CHODL: variants seen among roughly 807,000 people sequenced by gnomAD.
CHODL encodes the protein chondrolectin.
Under a neutral mutation model 34.5 loss-of-function variants are expected in CHODL, and 29 were observed. That is an observed-to-expected ratio of 0.84 (90% confidence interval 0.63 to 1.15). CHODL has a LOEUF of 1.15. Among genes scored for constraint, CHODL ranks in the 50% most tolerant of loss-of-function variants. The probability of loss-of-function intolerance (pLI) is 0.00; values close to 1 mark genes in which losing one functional copy is unlikely to be tolerated. For missense variants in CHODL, 332 were observed against 332.5 expected, an observed-to-expected ratio of 1.00 and a Z score of 0.01; for synonymous variants, 125 against 116.1, an observed-to-expected ratio of 1.08 and a Z score of -0.49.
chr21:18,032,905 T>A (rs1434829637), intron 2 of CHODL, among the ~76,000 whole-genome samples: 1 of 152,014 alleles, frequency 6.6e-6, no homozygotes, highest in Non-Finnish European at 1.5e-5. Context: ...TATTGAGTGC[T>A]TATTTTGTGT....
chr21:18,077,223 T>G (rs917285112), intron 2 of CHODL, among the ~76,000 whole-genome samples: 6 of 152,224 alleles, frequency 3.9e-5, no homozygotes, highest in African/African-American at 1.4e-4. Context: ...TTGTCTGTCC[T>G]GTGCCTGTCA....
intron 1 of CHODL, among the ~76,000 whole-genome samples, chr21:17,932,238 A>G (rs1325909742): frequency 1.3e-5 from 2 of 152,244 alleles, no homozygotes; most frequent in Admixed American, 6.5e-5. Context: ...AAAAGTGCAA[A>G]CTAAAACCAT....
At chr21:18,033,832 C>T (rs1600919506) in intron 2 of CHODL, among the ~76,000 whole-genome samples, 1 of 152,034 alleles carries the variant, frequency 6.6e-6, no homozygotes, top group South Asian at 2.1e-4. Context: ...GACGCTCACA[C>T]ACAATGTGAC....
At chr21:18,206,309 A>C (rs1037376325) in intron 2 of CHODL, among the ~76,000 whole-genome samples, 8 of 152,196 alleles carry the variant, frequency 5.3e-5, no homozygotes, top group Admixed American at 5.2e-4. Flanking sequence ...TGTATATCAG[A>C]ATACTGCAGT....
At chr21:18,079,836 G>A (rs967181895) in intron 2 of CHODL, among the ~76,000 whole-genome samples, 2 of 152,054 alleles carry the variant, frequency 1.3e-5, no homozygotes, top group African/African-American at 4.8e-5. Context: ...AATAGAATTT[G>A]CTATAATCCT....
At chr21:18,209,529 G>A (rs1261498980) in intron 2 of CHODL, among the ~76,000 whole-genome samples, 1 of 152,146 alleles carries the variant, frequency 6.6e-6, no homozygotes, top group African/African-American at 2.4e-5. Context: ...ACGTGGCTGA[G>A]CTTGTACCTA....
At chr21:18,057,737 G>A (rs1359866726) in intron 2 of CHODL, among the ~76,000 whole-genome samples, 3 of 151,480 alleles carry the variant, frequency 2.0e-5, no homozygotes, top group Admixed American at 6.6e-5. Flanking sequence ...TGTATCTCTT[G>A]TCTCTTTCAC....
chr21:17,917,765 AGTAAAGAGTAGATCTACAGGAG>A (rs1490551696), intron 1 of CHODL, among the ~76,000 whole-genome samples: 7 of 152,300 alleles, frequency 4.6e-5, no homozygotes, highest in Admixed American at 4.6e-4. Context: ...CACAGAGAAG[AGTAAAGAGTAGATCTACAGGAG>A]GTAAATGAAT....
chr21:17,937,866 C>T (rs1389989330), intron 1 of CHODL, among the ~76,000 whole-genome samples: 2 of 152,050 alleles, frequency 1.3e-5, no homozygotes, highest in Admixed American at 6.6e-5. Context: ...TGAATATGTG[C>T]CAGGTGCTAT....
chr21:17,930,698 G>A (rs773740382), intron 1 of CHODL, among the ~76,000 whole-genome samples: 1 of 152,174 alleles, frequency 6.6e-6, no homozygotes, highest in African/African-American at 2.4e-5. Flanking sequence ...GGATTGCCTA[G>A]CCCAGTGATG....
intron 2 of CHODL, among the ~76,000 whole-genome samples, chr21:18,125,391 CCATT>C (rs1158967387): frequency 1.3e-5 from 2 of 152,166 alleles, no homozygotes; most frequent in East Asian, 3.9e-4. Flanking sequence ...ACATCTTACT[CCATT>C]CATCAGATAA....
At chr21:18,181,134 A>C (rs1371750432) in intron 2 of CHODL, among the ~76,000 whole-genome samples, 1 of 152,066 alleles carries the variant, frequency 6.6e-6, no homozygotes, top group Non-Finnish European at 1.5e-5. Flanking sequence ...GGTAGGGTGA[A>C]GTGTTATGAA....
chr21:18,245,162 C>A lies in CHODL; in HGVS notation c.-62C>A. 2.3e-6 allele frequency: 2 copies of A among 882,684 alleles called. No homozygotes were observed. Among genetic ancestry groups the A allele is most frequent in the South Asian group, 1.6e-5 (1 of 64,322 alleles). 54.7% of individuals were successfully genotyped at this position (882,684 alleles called of 1,614,324 possible). ...GAGGCTGCAGAGTCAGAGTCGCGGG[C>A]TGCGCCCTGGGCAGAGGCCGCCCTC... On this transcript the variant is annotated 5_prime_UTR_variant, in exon 1 of 6. The change creates a new upstream start codon in the 5' untranslated region. Transcript: ENST00000299295.
intron 2 of CHODL, among the ~76,000 whole-genome samples, chr21:18,095,395 TA>T (rs542540259): frequency 3.3e-5 from 5 of 152,008 alleles, no homozygotes; most frequent in Non-Finnish European, 7.4e-5. Flanking sequence ...CCAGTATATT[TA>T]AAAAAACTAA....
intron 1 of CHODL, among the ~76,000 whole-genome samples, chr21:18,021,030 C>T (rs767783089): frequency 2.6e-4 from 39 of 152,180 alleles, no homozygotes; most frequent in Non-Finnish European, 1.9e-4. Flanking sequence ...TGGATCTGTC[C>T]GTTTTGAAAT....
At position 18,008,047 on chromosome 21, in the gene CHODL, T is replaced by G. The variant is rs186611475; in HGVS notation, c.-144-19825T>G. Among the ~76,000 whole-genome samples the G allele has an allele frequency of 2.0e-5, 3 of 152,322 alleles. No individual in the cohort carries two copies. The East Asian group carries it at 5.8e-4, about 29-fold the overall frequency. On this transcript the variant is annotated intron_variant, in intron 1 of 6. Transcript: ENST00000400127. ...AAAACAAAACAATCATGGGAGTTAT[T>G]GTTTTAGTGAAAGATGCTTTGCTAG...
At chr21:18,208,024 T>A (rs1340355703) in intron 2 of CHODL, among the ~76,000 whole-genome samples, 1 of 152,116 alleles carries the variant, frequency 6.6e-6, no homozygotes, top group Non-Finnish European at 1.5e-5. Context: ...AGTTCTGTGT[T>A]ATTATCCTTT....
chr21:18,233,431 T>C (rs761616), intron 2 of CHODL, among the ~76,000 whole-genome samples: 25,626 of 151,970 alleles, frequency 0.17, 2,575 homozygotes, highest in African/African-American at 0.28. Flanking sequence ...AAACTGGGGA[T>C]GGCTATAGTA....
At chr21:18,085,726 A>T (rs1191456418) in intron 2 of CHODL, among the ~76,000 whole-genome samples, 1 of 152,132 alleles carries the variant, frequency 6.6e-6, no homozygotes, top group Non-Finnish European at 1.5e-5. Flanking sequence ...GTCCACTGTT[A>T]GTCTGATGGG....
Sources: allele counts gnomAD v4.1 joint callset (sites outside exome capture counted in the v4.1 genomes callset), GRCh38; gene constraint gnomAD v4.1.1; transcripts MANE v1.5; gene names NCBI Gene and HGNC (gene_info 2026-07-23, HGNC 2026-07-21).